The following C8orf34 variants were observed in gnomAD, a reference collection of about 807,000 sequenced individuals.
C8orf34 encodes uncharacterized protein C8orf34.
Under a neutral mutation model 68.3 loss-of-function variants are expected in C8orf34, and 65 were observed. The observed-to-expected ratio is 0.95, with a 90% CI of 0.78 to 1.17. C8orf34 has a LOEUF of 1.17. Ranked by LOEUF, C8orf34 falls within the 50% of genes most tolerant of loss-of-function variation. The pLI is 0.00. For missense variants in C8orf34, 664 were observed against 655.4 expected, an observed-to-expected ratio of 1.01 and a Z score of -0.14; for synonymous variants, 244 against 241.2, an observed-to-expected ratio of 1.01 and a Z score of -0.11.
chr8:68,769,066 T>C (rs1485774205), intron 10 of C8orf34, among the ~76,000 whole-genome samples: 1 of 152,096 alleles, frequency 6.6e-6, no homozygotes, highest in Non-Finnish European at 1.5e-5. Context: ...CTAGAATATA[T>C]CATGTGGTAG....
chr8:68,419,681 A>T (rs1020703769), intron 1 of C8orf34, among the ~76,000 whole-genome samples: 1 of 151,814 alleles, frequency 6.6e-6, no homozygotes, highest in Admixed American at 6.6e-5. Context: ...CTTTGTAGGG[A>T]CATGGATGAA....
At chr8:68,708,798 A>G (rs545267411) in intron 8 of C8orf34, among the ~76,000 whole-genome samples, 196 bp from the exon 9 acceptor site, 2 of 152,226 alleles carry the variant, frequency 1.3e-5, no homozygotes, top group Non-Finnish European at 2.9e-5. Flanking sequence ...CAGGAAGTAT[A>G]GAAGACTTTT....
In C8orf34 at chr8:68,735,443, T is replaced by G. The variant is rs141291071; in HGVS notation, c.1404+14006T>G. On this transcript the variant is annotated intron_variant, in intron 10 of 13. Coordinates refer to ENST00000518698, the MANE Select transcript of C8orf34 (RefSeq NM_052958.4). ...TTTTGTCTTTTCTAGTAAGCATTTT[T>G]GGGGCTTGATGATTTAGAGAATTAT... Among the ~76,000 whole-genome samples the G allele has an allele frequency of 8.2e-4, 125 of 152,342 alleles. 1 individual carries two copies. Among genetic ancestry groups the G allele is most frequent in the African/African-American group, 2.9e-3 (122 of 41,582 alleles).
chr8:68,666,757 C>G (rs1417550026), intron 8 of C8orf34, among the ~76,000 whole-genome samples: 1 of 152,078 alleles, frequency 6.6e-6, no homozygotes, highest in Non-Finnish European at 1.5e-5. Context: ...TGTTTACATA[C>G]AAAAAGAAAC....
At position 68,818,724 on chromosome 8, in the gene C8orf34, A is replaced by G. The variant is rs1229029271; in HGVS notation, c.*478A>G. 6.5e-6 allele frequency: 1 copy of G among 153,236 alleles called. No individual in the cohort carries two copies. The highest frequency in any genetic ancestry group is 1.5e-5 in the Non-Finnish European group (1 of 68,770). 9.5% of individuals were successfully genotyped at this position (153,236 alleles called of 1,614,324 possible). ...CAGAAATTAGCTGTTTGGTATCATCACCTGCCATACATGTTGTGTGCAGCA... is the reference window on the plus strand; with the variant it reads ...CAGAAATTAGCTGTTTGGTATCATCGCCTGCCATACATGTTGTGTGCAGCA... On this transcript the variant is annotated 3_prime_UTR_variant, in exon 14 of 14. Coordinates refer to ENST00000518698, the MANE Select transcript of C8orf34 (RefSeq NM_052958.4).
intron 7 of C8orf34, among the ~76,000 whole-genome samples, chr8:68,543,719 A>G (rs1043425349): frequency 2.6e-5 from 4 of 152,212 alleles, no homozygotes; most frequent in Non-Finnish European, 4.4e-5. Flanking sequence ...AATATTTTAT[A>G]TTTACATGAG....
At chr8:68,491,940 C>T (rs886393550) in intron 5 of C8orf34, among the ~76,000 whole-genome samples, 2 of 152,134 alleles carry the variant, frequency 1.3e-5, no homozygotes, top group Non-Finnish European at 2.9e-5. Flanking sequence ...TTGGTGCCTG[C>T]CCAGTTTCCC....
chr8:68,635,887 GC>G (rs1231859237), intron 7 of C8orf34, among the ~76,000 whole-genome samples: 1 of 152,130 alleles, frequency 6.6e-6, no homozygotes, highest in Non-Finnish European at 1.5e-5. Flanking sequence ...TTTGAAGGTT[GC>G]CATTGTGGAA....
intron 8 of C8orf34, among the ~76,000 whole-genome samples, chr8:68,651,914 G>T (rs1171580586): frequency 6.6e-6 from 1 of 152,104 alleles, no homozygotes; most frequent in Non-Finnish European, 1.5e-5. Context: ...AAATAAAATA[G>T]TATATTGTCT....
At chr8:68,725,109 C>A (rs546388077) in intron 10 of C8orf34, among the ~76,000 whole-genome samples, 1 of 152,126 alleles carries the variant, frequency 6.6e-6, no homozygotes, top group South Asian at 2.1e-4. Flanking sequence ...TCAGGCAATC[C>A]TCCTTCCTCG....
At chr8:68,516,646 A>T (rs559962024) in intron 5 of C8orf34, among the ~76,000 whole-genome samples, 103 of 151,356 alleles carry the variant, frequency 6.8e-4, no homozygotes, top group Non-Finnish European at 1.1e-3. Flanking sequence ...TTATTTATTT[A>T]TTTTTTATTT....
At chr8:68,799,346 T>C (rs1824266009) in intron 12 of C8orf34, among the ~76,000 whole-genome samples, 1 of 152,238 alleles carries the variant, frequency 6.6e-6, no homozygotes, top group South Asian at 2.1e-4. Context: ...TTATATCAGA[T>C]GGAGCATATC....
chr8:68,423,011 A>G (rs1810048510), intron 1 of C8orf34, among the ~76,000 whole-genome samples: 1 of 152,234 alleles, frequency 6.6e-6, no homozygotes, highest in Non-Finnish European at 1.5e-5. Context: ...AGCACAGAGC[A>G]GGGAGACCCT....
chr8:68,588,127 A>T (rs1280096273), intron 7 of C8orf34, among the ~76,000 whole-genome samples: 2 of 152,168 alleles, frequency 1.3e-5, no homozygotes, highest in Admixed American at 6.6e-5. Flanking sequence ...GGTGACTACA[A>T]TAGCTGCCCT....
chr8:68,790,992 C>T (rs1327831989), intron 12 of C8orf34: 1 of 605,946 alleles, frequency 1.7e-6, no homozygotes, highest in African/African-American at 1.9e-5. Flanking sequence ...TTTTTCTAGG[C>T]TTCTTTCCTC....
intron 5 of C8orf34, among the ~76,000 whole-genome samples, chr8:68,519,514 A>G (rs1332493387): frequency 6.6e-6 from 1 of 152,174 alleles, no homozygotes; most frequent in Non-Finnish European, 1.5e-5. Flanking sequence ...GAAGTATAGG[A>G]ATTGAGATAA....
Position 68,515,842 on chromosome 8 carries a change from A to G in C8orf34, c.766-5957A>G, listed in dbSNP as rs573541232. On this transcript the variant is annotated intron_variant, in intron 5 of 13. Transcript: ENST00000518698. ...ATGTACTGGCCTTCAGCCAGTACAC[A>G]CAAATTGTACTATGTATGAATCAGT... 8.5e-5 allele frequency among the ~76,000 whole-genome samples: 13 copies of G among 152,350 alleles called. No individual in the cohort carries two copies. In the East Asian group the frequency reaches 2.5e-3, roughly 29 times the overall value.
chr8:68,513,045 C>T (rs1814348063), intron 5 of C8orf34, among the ~76,000 whole-genome samples: 1 of 152,162 alleles, frequency 6.6e-6, no homozygotes, highest in South Asian at 2.1e-4. Context: ...AGTTTCAAAA[C>T]CAAAAAAGCA....
intron 1 of C8orf34, among the ~76,000 whole-genome samples, chr8:68,358,670 A>AG (rs887656216): frequency 4.0e-5 from 6 of 149,184 alleles, no homozygotes; most frequent in South Asian, 4.3e-4. Flanking sequence ...TTTTTTTTGG[A>AG]GGGGGGGTGT....
Sources: allele counts gnomAD v4.1 joint callset (sites outside exome capture counted in the v4.1 genomes callset), GRCh38; gene constraint gnomAD v4.1.1; transcripts MANE v1.5; gene names NCBI Gene and HGNC (gene_info 2026-07-23, HGNC 2026-07-21).